The following ABCB1 variants were observed in gnomAD, a reference collection of about 807,000 sequenced individuals.
ABCB1 encodes the protein ATP binding cassette subfamily B member 1.
ABCB1 carries 69 observed loss-of-function variants against 142.0 expected under a neutral mutation model. The ratio of observed to expected loss-of-function variants is 0.49; its 90% CI spans 0.40 to 0.59. The LOEUF is 0.59. Among genes scored for constraint, ABCB1 ranks in the 20% least tolerant of loss-of-function variants. The pLI is 0.00. For missense variants in ABCB1, 1,326 were observed against 1,554.7 expected (o/e 0.85, Z 2.47); for synonymous variants, 532 against 539.2 (o/e 0.99, Z 0.18).
chr7:87,600,247 TGAGACTAACCTCTAGTCC>T, intron 1 of ABCB1, 57 bp from the exon 2 acceptor site: 17 of 1,438,268 alleles, frequency 1.2e-5, no homozygotes, highest in Non-Finnish European at 1.7e-5. Flanking sequence ...GCGCTGGAGG[TGAGACTAACCTCTAGTCC>T]CCCGTCGAAG....
At position 87,594,291 on chromosome 7, in the gene ABCB1, T is replaced by C. The variant is rs1819108411; in HGVS notation, c.117+1475A>G. Among the ~76,000 whole-genome samples the C allele has an allele frequency of 1.3e-5, 2 of 152,186 alleles. 1 individual carries two copies. The highest frequency in any genetic ancestry group is 4.1e-4 in the South Asian group (2 of 4,834). ...GTAAAACTGGAATAATAATAGTATC[T>C]TTCTCAAAAGGAGTTGTAAGGATTA... On this transcript the variant is annotated intron_variant, in intron 3 of 27. Coordinates refer to ENST00000622132, the MANE Select transcript of ABCB1 (RefSeq NM_001348946.2).
Position 87,565,954 on chromosome 7 carries a change from G to A in ABCB1, c.702+116C>T, listed in dbSNP as rs1014398889. ...ATCCAGCTGATTTTGAACAGAAAAC[G>A]TAAAAGTAACAAGTACAGAATCAGA... On this transcript the variant is annotated intron_variant, in intron 7 of 27. Coordinates refer to ENST00000622132, the MANE Select transcript of ABCB1 (RefSeq NM_001348946.2). 2.3e-5 allele frequency: 28 copies of A among 1,212,774 alleles called. 1 individual carries two copies. The highest frequency in any genetic ancestry group is 1.5e-4 in the Admixed American group (8 of 53,312). The allele number at this position is 1,212,774 out of a possible 1,614,324, so 75.1% of individuals were successfully genotyped here. A position where few individuals can be genotyped will look rare whatever the true frequency, so the allele number is the denominator to read the frequency against.
intron 1 of ABCB1, among the ~76,000 whole-genome samples, chr7:87,692,083 C>G (rs1364026201): frequency 2.0e-5 from 3 of 151,984 alleles, no homozygotes; most frequent in African/African-American, 7.3e-5. Context: ...GAAAATTTTC[C>G]CATGGTCTTT....
rs760809744 is a variant in ABCB1 at position 87,541,508 on chromosome 7, A to T, written c.2212-44T>A. The T allele has an allele frequency of 9.6e-6, 13 of 1,350,656 alleles. No individual in the cohort carries two copies. The South Asian group carries it at 1.5e-4, about 16-fold the overall frequency. 83.7% of individuals were successfully genotyped at this position (1,350,656 alleles called of 1,614,324 possible). A position where few individuals can be genotyped will look rare whatever the true frequency, so the allele number is the denominator to read the frequency against. ...AGGATTTTTAGTTCAATCAGTGAAGAACCCATCCTGGACCTGACCCATTTC... is the reference window on the plus strand; with the variant it reads ...AGGATTTTTAGTTCAATCAGTGAAGTACCCATCCTGGACCTGACCCATTTC... On this transcript the variant is annotated intron_variant, in intron 17 of 27. Transcript: ENST00000622132.
chr7:87,595,073 G>A (rs1440226163), intron 3 of ABCB1, among the ~76,000 whole-genome samples: 1 of 152,008 alleles, frequency 6.6e-6, no homozygotes, highest in Non-Finnish European at 1.5e-5. Context: ...AGGTTGCAGT[G>A]AGCCAAGATC....
chr7:87,544,342 AC>A (rs1214676004), intron 16 of ABCB1, 67 bp from the exon 17 acceptor site: 3 of 1,491,596 alleles, frequency 2.0e-6, no homozygotes, highest in Non-Finnish European at 2.8e-6. Flanking sequence ...TTACATACGC[AC>A]AAAAATTAGT....
chr7:87,691,169 A>C (rs1356917763), intron 1 of ABCB1, among the ~76,000 whole-genome samples: 4 of 152,154 alleles, frequency 2.6e-5, no homozygotes, highest in Admixed American at 2.6e-4. Flanking sequence ...TATTTGTTTA[A>C]AACAGTGGCC....
chr7:87,567,904 C>T lies in ABCB1; in HGVS notation c.339-928G>A, dbSNP rs144746214. 8.6e-5 allele frequency among the ~76,000 whole-genome samples: 13 copies of T among 151,960 alleles called. No individual in the cohort carries two copies. In the East Asian group the frequency reaches 2.5e-3, roughly 30 times the overall value. On this transcript the variant is annotated intron_variant, in intron 5 of 27. Coordinates refer to ENST00000622132, the MANE Select transcript of ABCB1 (RefSeq NM_001348946.2). ...GGTCAGGAGTTGGAGACCACCCTGG[C>T]CAATATGATGAAACCCTGTCTCTAC...
At chr7:87,660,370 A>G (rs1585028686) in intron 1 of ABCB1, among the ~76,000 whole-genome samples, 2 of 152,142 alleles carry the variant, frequency 1.3e-5, no homozygotes, top group Admixed American at 6.5e-5. Flanking sequence ...TCTATCCCAT[A>G]TACTCTCAAT....
chr7:87,505,987 T>C lies in ABCB1; in HGVS notation c.3546A>G (p.Gln1182=). Residue 1182 remains glutamine, a synonymous_variant, in exon 27 of 28, where the codon CAA becomes CAG. Coordinates refer to ENST00000622132, the MANE Select transcript of ABCB1 (RefSeq NM_001348946.2). ...KGTQLSGGQK[Q]RIAIARALVR... The stretch of plus-strand genomic sequence containing the variant: ...CAAGGGCACGAGCTATGGCAATGCG[T>C]TGTTTCTGGCCACCAGAGAGCTGAG... 1 of 1,614,160 alleles carries C rather than the reference T, an allele frequency of 6.2e-7. No individual in the cohort carries two copies. The highest frequency in any genetic ancestry group is 8.5e-7 in the Non-Finnish European group (1 of 1,179,984).
chr7:87,595,609 A>G lies in ABCB1; in HGVS notation c.117+157T>C, dbSNP rs2235075. Reference sequence around the variant, plus strand: ...ATATAGATAGCAAGTTATGATCAGCATTCTCCTGAAAATAAGCTAAATCAA... The same window carrying G: ...ATATAGATAGCAAGTTATGATCAGCGTTCTCCTGAAAATAAGCTAAATCAA... On this transcript the variant is annotated intron_variant, in intron 3 of 27. Coordinates refer to ENST00000622132, the MANE Select transcript of ABCB1 (RefSeq NM_001348946.2). Among the ~76,000 whole-genome samples the G allele has an allele frequency of 6.9e-4, 105 of 152,260 alleles. 1 individual carries two copies. Among genetic ancestry groups the G allele is most frequent in the Middle Eastern group, 6.8e-3 (2 of 294 alleles).
chr7:87,521,534 G>T, intron 21 of ABCB1: 2 of 757,618 alleles, frequency 2.6e-6, no homozygotes, highest in Admixed American at 3.5e-5. Context: ...GCTCTACATT[G>T]GTTGACCAAT....
At chr7:87,614,484 A>G (rs1247272661) in intron 1 of ABCB1, among the ~76,000 whole-genome samples, 1 of 152,194 alleles carries the variant, frequency 6.6e-6, no homozygotes, top group Non-Finnish European at 1.5e-5. Flanking sequence ...AGAAAGGGAA[A>G]GAAACAAGCT....
At chr7:87,548,189 A>AGGAAG (rs1816884322) in intron 14 of ABCB1, among the ~76,000 whole-genome samples, 1 of 42,836 alleles carries the variant, frequency 2.3e-5, no homozygotes, top group African/African-American at 1.1e-4. Flanking sequence ...GGGAAGGGAA[A>AGGAAG]GGAAGGGAAG....
chr7:87,564,234 T>A (rs1256572323), intron 7 of ABCB1: 1 of 405,138 alleles, frequency 2.5e-6, no homozygotes, highest in African/African-American at 2.1e-5. Flanking sequence ...CATTGAAGTT[T>A]AGCATGATAG....
chr7:87,520,843 C>T lies in ABCB1; in HGVS notation c.2719G>A (p.Val907Ile), dbSNP rs573245329. ...ATEAIENFRT[V>I]VSLTQEQKFE... ...TTCTGCTCCTGAGTCAAAGAAACAA[C>T]GGTTCGGAAGTTTTCTATTGCTTCA... The change falls in exon 22 of 28, where the codon GTT becomes ATT. Residue 907 changes from valine to isoleucine, a missense_variant. Physicochemically the swap from Val to Ile is conservative, Grantham distance 29. Coordinates refer to ENST00000622132, the MANE Select transcript of ABCB1 (RefSeq NM_001348946.2). The T allele has an allele frequency of 4.3e-5, 70 of 1,613,812 alleles. No homozygotes were observed. In the East Asian group the frequency reaches 5.6e-4, roughly 13 times the overall value.
chr7:87,570,935 G>GTA (rs1818022746), intron 4 of ABCB1, among the ~76,000 whole-genome samples: 1 of 151,892 alleles, frequency 6.6e-6, no homozygotes, highest in African/African-American at 2.4e-5. Flanking sequence ...TTTCCTGTCA[G>GTA]TATATATATG....
intron 18 of ABCB1, among the ~76,000 whole-genome samples, chr7:87,539,796 G>C (rs1816452589): frequency 6.6e-6 from 1 of 152,152 alleles, no homozygotes; most frequent in Non-Finnish European, 1.5e-5. Context: ...CTGTTTTCTA[G>C]GCAAGCTAGG....
intron 1 of ABCB1, among the ~76,000 whole-genome samples, chr7:87,671,927 G>A (rs901765253): frequency 2.6e-5 from 4 of 152,274 alleles, no homozygotes; most frequent in African/African-American, 9.6e-5. Context: ...CAGGAGTGCT[G>A]GAGGCCCTGG....
Sources: allele counts gnomAD v4.1 joint callset (sites outside exome capture counted in the v4.1 genomes callset), GRCh38; gene constraint gnomAD v4.1.1; transcripts MANE v1.5; gene names NCBI Gene and HGNC (gene_info 2026-07-23, HGNC 2026-07-21).